ABTB3: variants seen among roughly 807,000 people sequenced by gnomAD.
The protein encoded by ABTB3 is ankyrin repeat- and BTB/POZ domain-containing protein 3.
chr12:107,526,781 C>G, the ABTB3 span, among the ~76,000 whole-genome samples: 1 of 152,254 alleles, frequency 6.6e-6, no homozygotes, highest in Admixed American at 6.5e-5. Flanking sequence ...TGGGTTGTCT[C>G]TCCTCAGTGT....
chr12:107,646,113 A>C, the ABTB3 span, among the ~76,000 whole-genome samples: 1 of 152,256 alleles, frequency 6.6e-6, no homozygotes, highest in African/African-American at 2.4e-5. Flanking sequence ...CTGAGGCTGC[A>C]CCTGGAAGTG....
chr12:107,485,502 T>C, the ABTB3 span, among the ~76,000 whole-genome samples: 1 of 152,174 alleles, frequency 6.6e-6, no homozygotes, highest in Admixed American at 6.5e-5. Flanking sequence ...GCTTTTTTTG[T>C]GACTCTGGGT....
chr12:107,331,808 C>T, the ABTB3 span, among the ~76,000 whole-genome samples: 16 of 152,220 alleles, frequency 1.1e-4, no homozygotes, highest in Non-Finnish European at 2.2e-4. Flanking sequence ...CATTCTGCGG[C>T]TGCCATTGTT....
chr12:107,461,516 T>C, the ABTB3 span, among the ~76,000 whole-genome samples: 2 of 151,320 alleles, frequency 1.3e-5, no homozygotes, highest in East Asian at 2.0e-4. Context: ...GGAACTGGCC[T>C]TGCTGGCACC....
chr12:107,634,715 G>A, the ABTB3 span: 1 of 152,132 alleles, frequency 6.6e-6, no homozygotes, highest in Non-Finnish European at 1.5e-5. Flanking sequence ...CTGTAGTTTT[G>A]GGTTGCAGAA....
At chr12:107,648,231 A>T in the ABTB3 span, among the ~76,000 whole-genome samples, 2 of 152,004 alleles carry the variant, frequency 1.3e-5, no homozygotes, top group Non-Finnish European at 2.9e-5. Context: ...AATACAAAAA[A>T]CTAGCCGGGC....
the ABTB3 span, among the ~76,000 whole-genome samples, chr12:107,511,836 T>C: frequency 6.6e-6 from 1 of 152,186 alleles, no homozygotes; most frequent in African/African-American, 2.4e-5. Flanking sequence ...AGCATAACAC[T>C]GCTTAATTCT....
the ABTB3 span, among the ~76,000 whole-genome samples, chr12:107,390,380 T>G: frequency 3.9e-5 from 6 of 152,372 alleles, no homozygotes; most frequent in African/African-American, 1.4e-4. Flanking sequence ...TGAGGGAGCC[T>G]GGATTCTAAC....
the ABTB3 span, among the ~76,000 whole-genome samples, chr12:107,426,940 C>G: frequency 1.3e-5 from 2 of 152,194 alleles, no homozygotes; most frequent in Non-Finnish European, 2.9e-5. Flanking sequence ...TATTCTCCTG[C>G]TTTTTTCAAT....
the ABTB3 span, among the ~76,000 whole-genome samples, chr12:107,348,170 A>G: frequency 6.6e-6 from 1 of 152,122 alleles, no homozygotes; most frequent in African/African-American, 2.4e-5. Flanking sequence ...ATGTACTAAT[A>G]TGTGCATGCG....
chr12:107,511,307 G>A, the ABTB3 span, among the ~76,000 whole-genome samples: 1 of 152,220 alleles, frequency 6.6e-6, no homozygotes, highest in Admixed American at 6.5e-5. Flanking sequence ...TAGATATTGT[G>A]CATATGCAGC....
the ABTB3 span, among the ~76,000 whole-genome samples, chr12:107,346,277 G>C: frequency 6.6e-6 from 1 of 152,038 alleles, no homozygotes; most frequent in Non-Finnish European, 1.5e-5. Flanking sequence ...TTGGGATGGG[G>C]GCTAAACTGA....
At chr12:107,475,888 C>T in the ABTB3 span, among the ~76,000 whole-genome samples, 18 of 152,086 alleles carry the variant, frequency 1.2e-4, no homozygotes, top group Admixed American at 8.5e-4. Context: ...GAAGGTTGAA[C>T]AGCGCTTCAG....
the ABTB3 span, among the ~76,000 whole-genome samples, chr12:107,425,292 A>G: frequency 6.6e-6 from 1 of 152,004 alleles, no homozygotes; most frequent in Non-Finnish European, 1.5e-5. Flanking sequence ...CTCAAGAATC[A>G]CCTCCTCTAT....
At chr12:107,483,005 CTTCT>C in the ABTB3 span, among the ~76,000 whole-genome samples, 1 of 97,826 alleles carries the variant, frequency 1.0e-5, no homozygotes, top group Non-Finnish European at 1.9e-5. Context: ...TCCTTCCTTC[CTTCT>C]TTCCTTCTTT....
chr12:107,468,633 G>A, the ABTB3 span, among the ~76,000 whole-genome samples: 1 of 152,198 alleles, frequency 6.6e-6, no homozygotes. Context: ...GTGGAAGGGA[G>A]CGCCCATTTC....
At chr12:107,470,476 C>T in the ABTB3 span, among the ~76,000 whole-genome samples, 2 of 152,152 alleles carry the variant, frequency 1.3e-5, no homozygotes, top group African/African-American at 4.8e-5. Flanking sequence ...CACCTTCACT[C>T]GGGCCCAGTG....
the ABTB3 span, among the ~76,000 whole-genome samples, chr12:107,574,849 G>A: frequency 2.0e-5 from 3 of 152,194 alleles, no homozygotes; most frequent in Non-Finnish European, 4.4e-5. Flanking sequence ...CACTGACCTA[G>A]AACACTACCT....
At chr12:107,524,399 G>C in the ABTB3 span, among the ~76,000 whole-genome samples, 4 of 152,180 alleles carry the variant, frequency 2.6e-5, no homozygotes, top group African/African-American at 9.6e-5. Flanking sequence ...TTCAAAGGTT[G>C]CTCAGCCAAT....
Sources: gnomAD v4.1 joint callset for allele counts (sites outside exome capture counted in the v4.1 genomes callset) on GRCh38, gnomAD v4.1.1 for gene constraint, MANE v1.5 for transcripts, NCBI Gene and HGNC (gene_info 2026-07-23, HGNC 2026-07-21) for gene names.